The following DDHD1 variants were observed in gnomAD, a reference collection of about 807,000 sequenced individuals.
The protein encoded by DDHD1 is phospholipase DDHD1.
DDHD1 carries 49 observed loss-of-function variants against 96.4 expected under a neutral mutation model. The ratio of observed to expected loss-of-function variants is 0.51; its 90% CI spans 0.40 to 0.64. DDHD1 has a LOEUF of 0.64. Ranked by LOEUF, DDHD1 falls within the 30% of genes least tolerant of loss-of-function variation. The pLI is 0.00. For missense variants in DDHD1, 1,106 were observed against 1,161.2 expected (o/e 0.95, Z 0.69); for synonymous variants, 442 against 446.5 (o/e 0.99, Z 0.13).
At chr14:53,108,842 A>G (rs950467954) in intron 1 of DDHD1, among the ~76,000 whole-genome samples, 6 of 152,066 alleles carry the variant, frequency 3.9e-5, no homozygotes, top group Non-Finnish European at 8.8e-5. Flanking sequence ...ATGTTCACAG[A>G]TTTGTTTGAG....
chr14:53,119,427 A>G (rs1456940571), intron 1 of DDHD1, among the ~76,000 whole-genome samples: 1 of 152,248 alleles, frequency 6.6e-6, no homozygotes, highest in East Asian at 1.9e-4. Flanking sequence ...CAATAGAGAA[A>G]GAAAGAATCC....
At position 53,150,363 on chromosome 14, in the gene DDHD1, T is replaced by C. The variant is rs193063641; in HGVS notation, c.838+1898A>G. Among the ~76,000 whole-genome samples, 37 of 152,352 alleles carry C rather than the reference T, an allele frequency of 2.4e-4. No individual in the cohort carries two copies. In the East Asian group the frequency reaches 6.6e-3, roughly 27 times the overall value. ...GCACTGTATTCCCCCACTAGACTAA[T>C]GAATGAACTGCTTCATCACTTTCTA... On this transcript the variant is annotated intron_variant, in intron 1 of 12. Transcript: ENST00000673822.
chr14:53,067,846 T>G (rs1477650799), intron 6 of DDHD1, among the ~76,000 whole-genome samples: 1 of 152,228 alleles, frequency 6.6e-6, no homozygotes, highest in Non-Finnish European at 1.5e-5. Flanking sequence ...TTACCCAGGT[T>G]CACATATTGT....
intron 1 of DDHD1, among the ~76,000 whole-genome samples, chr14:53,129,831 C>T (rs1306077548): frequency 2.0e-5 from 3 of 152,182 alleles, no homozygotes; most frequent in Admixed American, 6.5e-5. Context: ...GATAATGGCT[C>T]TAAATGGCCA....
At position 53,091,945 on chromosome 14, in the gene DDHD1, T is replaced by C; in HGVS notation, c.1142-13A>G. The C allele has an allele frequency of 6.3e-7, 1 of 1,599,778 alleles. No individual in the cohort carries two copies. Among genetic ancestry groups the C allele is most frequent in the Non-Finnish European group, 8.5e-7 (1 of 1,173,218 alleles). On this transcript the variant is annotated splice_polypyrimidine_tract_variant and intron_variant, in intron 3 of 12. Coordinates refer to ENST00000673822, the MANE Select transcript of DDHD1 (RefSeq NM_001160148.2). ...CCACTACTTGATGCTGTAGAAAAAT[T>C]ATAATTCTAAGTTTACTATTTAATC...
intron 2 of DDHD1, chr14:53,103,298 G>T (rs1256041522): frequency 2.7e-6 from 1 of 369,076 alleles, no homozygotes; most frequent in Non-Finnish European, 4.8e-6. Flanking sequence ...TTTTTTTTTT[G>T]AACTTCAGGA....
In DDHD1 at chr14:53,091,952, C is replaced by T; in HGVS notation, c.1142-20G>A. 6.3e-7 allele frequency: 1 copy of T among 1,587,554 alleles called. No homozygotes were observed. The highest frequency in any genetic ancestry group is 1.4e-5 in the African/African-American group (1 of 73,998). On this transcript the variant is annotated intron_variant, in intron 3 of 12. Coordinates refer to ENST00000673822, the MANE Select transcript of DDHD1 (RefSeq NM_001160148.2). ...TTGATGCTGTAGAAAAATTATAATT[C>T]TAAGTTTACTATTTAATCTGAGAAA...
At position 53,037,071 on chromosome 14, in the gene DDHD1, GCTGTAT is replaced by G. The variant is rs1881314939; in HGVS notation, c.*9691_*9696del. The G allele has an allele frequency of 6.6e-6, 1 of 152,038 alleles. No homozygotes were observed. The highest frequency in any genetic ancestry group is 1.5e-5 in the Non-Finnish European group (1 of 67,992). The allele number at this position is 152,038 out of a possible 1,614,324, so 9.4% of individuals were successfully genotyped here. ...TAATTTGCTTAGATTATGGCTTCCA[GCTGTAT>G]CCATGTGGCTGGCTGCAAAGGACAT... On this transcript the variant is annotated 3_prime_UTR_variant, in exon 13 of 13. Transcript: ENST00000673822.
intron 1 of DDHD1, among the ~76,000 whole-genome samples, chr14:53,135,226 C>T (rs1320470116): frequency 6.6e-6 from 1 of 152,152 alleles, no homozygotes; most frequent in African/African-American, 2.4e-5. Flanking sequence ...GATGACATTC[C>T]TCCATTGTGA....
Position 53,042,756 on chromosome 14 carries a change from T to C in DDHD1, c.*4012A>G, listed in dbSNP as rs1349894943. 6.6e-6 allele frequency: 1 copy of C among 152,222 alleles called. No individual in the cohort carries two copies. The highest frequency in any genetic ancestry group is 1.5e-5 in the Non-Finnish European group (1 of 68,040). The allele number at this position is 152,222 out of a possible 1,614,324, so 9.4% of individuals were successfully genotyped here. ...AATACAGATAAGGGATAGAAAACTTTAGAATAGCTACAGAGGTCAACTAAC... is the reference window on the plus strand; with the variant it reads ...AATACAGATAAGGGATAGAAAACTTCAGAATAGCTACAGAGGTCAACTAAC... On this transcript the variant is annotated 3_prime_UTR_variant, in exon 13 of 13. Transcript: ENST00000673822.
chr14:53,079,062 G>C (rs1885215093), intron 4 of DDHD1, among the ~76,000 whole-genome samples: 1 of 151,628 alleles, frequency 6.6e-6, no homozygotes, highest in Non-Finnish European at 1.5e-5. Flanking sequence ...ATCCCACTTA[G>C]TCATGGTATA....
chr14:53,135,266 T>C (rs982878569), intron 1 of DDHD1, among the ~76,000 whole-genome samples: 6 of 152,144 alleles, frequency 3.9e-5, no homozygotes, highest in South Asian at 2.1e-4. Flanking sequence ...AACTGATCAA[T>C]TGACCTTATG....
chr14:53,052,543 A>T (rs1436089625), intron 11 of DDHD1: 1 of 152,084 alleles, frequency 6.6e-6, no homozygotes, highest in Admixed American at 6.6e-5. Context: ...AAGTTTTATG[A>T]TTTGCACGAT....
intron 4 of DDHD1, among the ~76,000 whole-genome samples, chr14:53,085,890 C>G (rs1410258375): frequency 6.6e-6 from 1 of 152,062 alleles, no homozygotes; most frequent in Non-Finnish European, 1.5e-5. Flanking sequence ...TGCAAGGAAG[C>G]TAAAAACCTT....
intron 2 of DDHD1, among the ~76,000 whole-genome samples, chr14:53,094,952 T>C (rs1329652764): frequency 6.6e-6 from 1 of 152,148 alleles, no homozygotes; most frequent in Admixed American, 6.5e-5. Context: ...TAGGAATTCG[T>C]AAGCCCCAGG....
At chr14:53,086,972 CAAAAA>C (rs60569444) in intron 4 of DDHD1, among the ~76,000 whole-genome samples, 9 of 52,204 alleles carry the variant, frequency 1.7e-4, no homozygotes, top group African/African-American at 2.9e-4. Context: ...AAATGAAAAG[CAAAAA>C]AAAAAAAAAA....
At chr14:53,072,559 T>TA in intron 6 of DDHD1, 38 bp downstream of exon 6, 1 of 1,273,556 alleles carries the variant, frequency 7.9e-7, no homozygotes, top group Non-Finnish European at 1.1e-6. Flanking sequence ...AAGCTATCAC[T>TA]AAAAAATACC....
chr14:53,128,795 G>A (rs1889649732), intron 1 of DDHD1, among the ~76,000 whole-genome samples: 1 of 152,126 alleles, frequency 6.6e-6, no homozygotes, highest in Non-Finnish European at 1.5e-5. Flanking sequence ...GTGACCTGCA[G>A]GTATACATCC....
chr14:53,061,226 A>G (rs1192965030), intron 7 of DDHD1, 25 bp from the exon 8 acceptor site: 2 of 1,574,678 alleles, frequency 1.3e-6, no homozygotes, highest in Non-Finnish European at 1.7e-6. Context: ...GAGATTATAT[A>G]CACACACGTA....
Sources: allele counts gnomAD v4.1 joint callset (sites outside exome capture counted in the v4.1 genomes callset), GRCh38; gene constraint gnomAD v4.1.1; transcripts MANE v1.5; gene names NCBI Gene and HGNC (gene_info 2026-07-23, HGNC 2026-07-21).